Variants in GUCY1A2 observed in about 807,000 individuals in gnomAD.
GUCY1A2 encodes guanylate cyclase 1 soluble subunit alpha 2.
Under a neutral mutation model 63.5 loss-of-function variants are expected in GUCY1A2, and 27 were observed. The ratio of observed to expected loss-of-function variants is 0.43; its 90% confidence interval spans 0.31 to 0.59. GUCY1A2 has a LOEUF of 0.59. Ranked by LOEUF, GUCY1A2 falls within the 20% of genes least tolerant of loss-of-function variation. The pLI is 0.11. For missense variants in GUCY1A2, 768 were observed against 913.3 expected (o/e 0.84, Z 2.05); for synonymous variants, 364 against 343.5 (o/e 1.06, Z -0.66).
At chr11:106,735,742 T>C (rs1344827015) in intron 6 of GUCY1A2, among the ~76,000 whole-genome samples, 3 of 152,178 alleles carry the variant, frequency 2.0e-5, no homozygotes, top group African/African-American at 7.2e-5. Flanking sequence ...TAATTTATTT[T>C]CCCACCAACA....
intron 5 of GUCY1A2, among the ~76,000 whole-genome samples, chr11:106,796,029 T>G (rs910030515): frequency 1.3e-5 from 2 of 152,190 alleles, no homozygotes; most frequent in African/African-American, 2.4e-5. Flanking sequence ...TAGTTAGCTC[T>G]TCTTGTTGAA....
chr11:106,798,978 T>C (rs1465803891), intron 5 of GUCY1A2, among the ~76,000 whole-genome samples: 1 of 152,098 alleles, frequency 6.6e-6, no homozygotes, highest in African/African-American at 2.4e-5. Flanking sequence ...TCAAATTGTC[T>C]GTTTGCAGAT....
intron 6 of GUCY1A2, among the ~76,000 whole-genome samples, chr11:106,757,920 G>C (rs1864002068): frequency 6.6e-6 from 1 of 152,214 alleles, no homozygotes. Flanking sequence ...CTGTCAGGCA[G>C]GGATGTTTAA....
intron 5 of GUCY1A2, among the ~76,000 whole-genome samples, chr11:106,786,093 G>C (rs1401072441): frequency 6.6e-6 from 1 of 152,106 alleles, no homozygotes; most frequent in African/African-American, 2.4e-5. Context: ...TGAGAATCTG[G>C]CACAGTAGGC....
intron 1 of GUCY1A2, among the ~76,000 whole-genome samples, chr11:107,001,600 G>GT (rs1861613918): frequency 6.6e-6 from 1 of 151,640 alleles, no homozygotes; most frequent in African/African-American, 2.4e-5. Flanking sequence ...TTTCTACTTT[G>GT]TTTTTGCTGT....
At chr11:106,955,762 T>C (rs1415897068) in intron 3 of GUCY1A2, among the ~76,000 whole-genome samples, 1 of 152,130 alleles carries the variant, frequency 6.6e-6, no homozygotes, top group Admixed American at 6.5e-5. Flanking sequence ...GAGAAACTGA[T>C]AATTATGTGT....
intron 5 of GUCY1A2, among the ~76,000 whole-genome samples, chr11:106,784,584 A>C (rs888643373): frequency 6.6e-6 from 1 of 152,194 alleles, no homozygotes; most frequent in Non-Finnish European, 1.5e-5. Flanking sequence ...CATAAGCATA[A>C]GCATTTTAAT....
At chr11:106,746,598 G>A (rs765105543) in intron 6 of GUCY1A2, 3 of 1,596,844 alleles carry the variant, frequency 1.9e-6, no homozygotes, top group Non-Finnish European at 2.5e-6. Context: ...TCTGGAACCA[G>A]CTGGATGGAA....
At chr11:107,016,045 G>GA (rs1202832085) in intron 1 of GUCY1A2, among the ~76,000 whole-genome samples, 3 of 152,182 alleles carry the variant, frequency 2.0e-5, no homozygotes, top group East Asian at 1.9e-4. Flanking sequence ...TCTCGTAAAA[G>GA]AAAAAAATCA....
At chr11:106,917,148 T>C (rs1860379934) in intron 4 of GUCY1A2, among the ~76,000 whole-genome samples, 1 of 145,640 alleles carries the variant, frequency 6.9e-6, no homozygotes, top group Admixed American at 6.8e-5. Flanking sequence ...CTACTTCTAT[T>C]TCACATAGAG....
At chr11:106,932,250 T>A (rs1385278789) in intron 4 of GUCY1A2, among the ~76,000 whole-genome samples, 1 of 152,104 alleles carries the variant, frequency 6.6e-6, no homozygotes, top group Non-Finnish European at 1.5e-5. Context: ...AAATTAAATA[T>A]GGCAAAATAA....
chr11:107,001,991 C>T (rs1441422420), intron 1 of GUCY1A2, among the ~76,000 whole-genome samples: 1 of 151,594 alleles, frequency 6.6e-6, no homozygotes, highest in Non-Finnish European at 1.5e-5. Flanking sequence ...TACACAGCAG[C>T]CTGGGCGACA....
At chr11:106,751,468 C>G (rs1259334648) in intron 6 of GUCY1A2, among the ~76,000 whole-genome samples, 1 of 152,048 alleles carries the variant, frequency 6.6e-6, no homozygotes, top group Non-Finnish European at 1.5e-5. Context: ...TCTCTATTCC[C>G]TTAGGGATTC....
intron 5 of GUCY1A2, among the ~76,000 whole-genome samples, chr11:106,777,817 C>T (rs1469454336): frequency 6.6e-6 from 1 of 151,632 alleles, no homozygotes; most frequent in African/African-American, 2.4e-5. Context: ...TACCCCAGAA[C>T]CTAAAGTATA....
chr11:106,914,592 TAAATAA>T (rs147510229), intron 4 of GUCY1A2, among the ~76,000 whole-genome samples: 6,920 of 150,294 alleles, frequency 0.046, 471 homozygotes, highest in African/African-American at 0.15. Context: ...CAAAGAAAAT[TAAATAA>T]AAATAAAAAT....
intron 6 of GUCY1A2, among the ~76,000 whole-genome samples, chr11:106,710,420 A>G (rs1457927720): frequency 1.4e-5 from 2 of 140,336 alleles, no homozygotes; most frequent in African/African-American, 2.6e-5. Context: ...TGTATATAGT[A>G]TATATATTTC....
chr11:106,754,581 G>C (rs999263806), intron 6 of GUCY1A2, among the ~76,000 whole-genome samples: 2 of 152,134 alleles, frequency 1.3e-5, no homozygotes, highest in Non-Finnish European at 2.9e-5. Flanking sequence ...GTTGAATTTC[G>C]TCGACGGTCT....
intron 3 of GUCY1A2, among the ~76,000 whole-genome samples, chr11:106,954,271 C>T (rs921701796): frequency 5.9e-5 from 9 of 152,170 alleles, no homozygotes; most frequent in African/African-American, 1.7e-4. Flanking sequence ...ATTATTTACC[C>T]GGGAGTCATT....
intron 4 of GUCY1A2, chr11:106,827,521 T>C: frequency 6.8e-7 from 1 of 1,470,746 alleles, no homozygotes; most frequent in Non-Finnish European, 9.5e-7. Context: ...TACATAAGGA[T>C]TTCCTTCACA....
Sources: gnomAD v4.1 joint callset for allele counts (sites outside exome capture counted in the v4.1 genomes callset) on GRCh38, gnomAD v4.1.1 for gene constraint, MANE v1.5 for transcripts, NCBI Gene and HGNC (gene_info 2026-07-23, HGNC 2026-07-21) for gene names.